Variants in IPO11 observed in about 807,000 individuals in gnomAD.
IPO11 encodes importin 11, also known as importin-11.
In IPO11, 66 loss-of-function variants were observed where a neutral mutation model predicts 143.2. The observed-to-expected ratio is 0.46, with a 90% CI of 0.38 to 0.57. IPO11 has a LOEUF of 0.57. Ranked by LOEUF, IPO11 falls within the 20% of genes least tolerant of loss-of-function variation. The pLI, the probability that IPO11 is intolerant of heterozygous loss-of-function variation, is 0.00. For synonymous variants in IPO11, 385 were observed against 377.8 expected, an observed-to-expected ratio of 1.02 and a Z score of -0.22; for missense variants, 1,026 against 1,141.0, an observed-to-expected ratio of 0.90 and a Z score of 1.45.
At chr5:62,607,284 A>T (rs1328003814) in intron 29 of IPO11, among the ~76,000 whole-genome samples, 1 of 152,228 alleles carries the variant, frequency 6.6e-6, no homozygotes, top group Admixed American at 6.5e-5. Context: ...TGACACTGTT[A>T]TGAGTTGAAA....
At chr5:62,420,003 A>G (rs993866491) in intron 1 of IPO11, among the ~76,000 whole-genome samples, 1 of 152,056 alleles carries the variant, frequency 6.6e-6, no homozygotes, top group African/African-American at 2.4e-5. Flanking sequence ...ACTCTTAAAA[A>G]AAGTAGGCTG....
chr5:62,458,663 G>A (rs1458846450), intron 5 of IPO11, among the ~76,000 whole-genome samples: 2 of 152,176 alleles, frequency 1.3e-5, no homozygotes, highest in Non-Finnish European at 2.9e-5. Flanking sequence ...TTTGTGCTGT[G>A]AACCTGTGGG....
intron 18 of IPO11, among the ~76,000 whole-genome samples, chr5:62,505,111 T>C (rs982531548): frequency 3.3e-4 from 51 of 152,316 alleles, no homozygotes; most frequent in African/African-American, 1.2e-3. Context: ...CTGCTTACTT[T>C]TGTTTAGCAA....
At chr5:62,611,324 A>G (rs999077766) in intron 29 of IPO11, among the ~76,000 whole-genome samples, 1 of 152,186 alleles carries the variant, frequency 6.6e-6, no homozygotes, top group South Asian at 2.1e-4. Flanking sequence ...TAAAGATACA[A>G]ATTGATAACC....
chr5:62,497,635 A>C (rs993581226), intron 16 of IPO11, among the ~76,000 whole-genome samples: 6 of 152,056 alleles, frequency 3.9e-5, no homozygotes, highest in African/African-American at 1.4e-4. Flanking sequence ...TGCCTGGCTA[A>C]TTTTTTGATT....
chr5:62,435,735 A>C (rs1364227811), intron 1 of IPO11, among the ~76,000 whole-genome samples: 1 of 151,888 alleles, frequency 6.6e-6, no homozygotes. Flanking sequence ...AAAAAAAAAA[A>C]AATCTCAATC....
chr5:62,586,801 A>ATT (rs1744811031), intron 27 of IPO11, among the ~76,000 whole-genome samples: 3 of 137,410 alleles, frequency 2.2e-5, no homozygotes, highest in Non-Finnish European at 3.1e-5. Context: ...ATATATATAT[A>ATT]TTCATGATTA....
At chr5:62,529,978 C>T (rs1554053692) in intron 21 of IPO11, among the ~76,000 whole-genome samples, 1 of 152,184 alleles carries the variant, frequency 6.6e-6, no homozygotes, top group South Asian at 2.1e-4. Context: ...TGTTTCATAA[C>T]TGCTAATGCG....
chr5:62,550,202 C>A (rs1743343327), intron 24 of IPO11, among the ~76,000 whole-genome samples, 165 bp from the exon 25 acceptor site: 1 of 152,114 alleles, frequency 6.6e-6, no homozygotes, highest in African/African-American at 2.4e-5. Context: ...AATGGATTAT[C>A]TTGTAAAAGT....
At chr5:62,607,860 C>A (rs1161719963) in intron 29 of IPO11, among the ~76,000 whole-genome samples, 1 of 149,006 alleles carries the variant, frequency 6.7e-6, no homozygotes, top group Non-Finnish European at 1.5e-5. Flanking sequence ...GTGGTGCTAT[C>A]TCAGCTCACT....
chr5:62,437,337 C>A lies in IPO11; in HGVS notation c.58C>A (p.Gln20Lys). The change falls in exon 2 of 30, where the codon CAG (glutamine) becomes AAG (lysine). Residue 20 changes from glutamine to lysine, a missense_variant. This residue lies in a region of IPO11 where 429 missense variants were observed against 456.3 expected (regional missense o/e 0.94). Transcript: ENST00000325324. ...TCAGGTGTTAACACAGGCCACCAGT[C>A]AGGATACTGCTGTGTTAAAACCAGC... Reference protein sequence around the residue: ...VLQVLTQATSQDTAVLKPAEE... With the variant: ...VLQVLTQATSKDTAVLKPAEE... 1 of 1,612,394 alleles carries A rather than the reference C, an allele frequency of 6.2e-7. No individual in the cohort carries two copies. The highest frequency in any genetic ancestry group is 1.1e-5 in the South Asian group (1 of 90,812).
In IPO11 at chr5:62,551,256, G is replaced by GTGATGACCACGTA; in HGVS notation, c.2381_2382insGATGACCACGTAT (p.Gly796ThrfsTer13). ...TGTAGTGATGTCCACGTATCTTGGAGTTATGGGTCGAGTTCTACTACAAAA... is the reference window on the plus strand; with the variant it reads ...TGTAGTGATGTCCACGTATCTTGGAGTGATGACCACGTATTATGGGTCGAGTTCTACTACAAAA... On this transcript the variant is annotated frameshift_variant, in exon 26 of 30. Transcript: ENST00000325324. LOFTEE classifies it high-confidence loss of function. 1.2e-6 allele frequency: 2 copies of GTGATGACCACGTA among 1,609,672 alleles called. No homozygotes were observed. Among genetic ancestry groups the GTGATGACCACGTA allele is most frequent in the Non-Finnish European group, 1.7e-6 (2 of 1,177,114 alleles).
intron 1 of IPO11, among the ~76,000 whole-genome samples, chr5:62,414,834 G>A (rs577569089): frequency 6.6e-6 from 1 of 152,106 alleles, no homozygotes; most frequent in Admixed American, 6.5e-5. Flanking sequence ...TGCACAAACC[G>A]GTATAAAAAT....
chr5:62,577,865 A>G (rs1377485827), intron 27 of IPO11, among the ~76,000 whole-genome samples: 1 of 152,088 alleles, frequency 6.6e-6, no homozygotes, highest in Non-Finnish European at 1.5e-5. Flanking sequence ...ATAACTTGAT[A>G]TTTTAGGAAT....
At chr5:62,586,776 T>A (rs1404927563) in intron 27 of IPO11, among the ~76,000 whole-genome samples, 23 of 129,504 alleles carry the variant, frequency 1.8e-4, no homozygotes, top group African/African-American at 6.6e-4. Context: ...AAAATATATA[T>A]ATATATATAT....
At chr5:62,480,628 T>C (rs1425018575) in intron 9 of IPO11, among the ~76,000 whole-genome samples, 2 of 152,228 alleles carry the variant, frequency 1.3e-5, no homozygotes, top group African/African-American at 2.4e-5. Context: ...CAGTGGTTTG[T>C]AGTTCTTCTT....
Position 62,627,493 on chromosome 5 carries a change from C to A in IPO11, c.*175C>A. On this transcript the variant is annotated 3_prime_UTR_variant, in exon 30 of 30. Coordinates refer to ENST00000325324, the MANE Select transcript of IPO11 (RefSeq NM_016338.5). ...AATGTAAATCCTGCATAACTAAAAT[C>A]ACAAACCTATTCCTCAAAAGAATTT... is the stretch of plus-strand genomic sequence containing the variant. 1.9e-6 allele frequency: 1 copy of A among 533,370 alleles called. No individual in the cohort carries two copies. The allele number at this position is 533,370 out of a possible 1,614,324, so 33.0% of individuals were successfully genotyped here.
chr5:62,577,669 A>C (rs1744368649), intron 27 of IPO11, among the ~76,000 whole-genome samples: 1 of 152,138 alleles, frequency 6.6e-6, no homozygotes, highest in South Asian at 2.1e-4. Context: ...GATAGGTGTA[A>C]GAATCATAAG....
At chr5:62,520,274 A>C (rs975945216) in intron 20 of IPO11, among the ~76,000 whole-genome samples, 2 of 152,168 alleles carry the variant, frequency 1.3e-5, no homozygotes, top group African/African-American at 4.8e-5. Context: ...TGCTTAGTAC[A>C]CTTAGTTGTC....
Sources: allele counts gnomAD v4.1 joint callset (sites outside exome capture counted in the v4.1 genomes callset), GRCh38; gene constraint gnomAD v4.1.1; regional missense constraint gnomAD v4.1.1; transcripts MANE v1.5; gene names NCBI Gene and HGNC (gene_info 2026-07-23, HGNC 2026-07-21).